Variants in SLC8A3 observed in about 807,000 individuals in gnomAD.
The protein encoded by SLC8A3 is solute carrier family 8 member A3.
A neutral mutation model predicts 65.4 loss-of-function variants in SLC8A3; 37 were observed. The ratio of observed to expected loss-of-function variants is 0.57; its 90% CI spans 0.44 to 0.74. SLC8A3 has a LOEUF of 0.74. Ranked by LOEUF, SLC8A3 falls within the 30% of genes least tolerant of loss-of-function variation. The pLI, the probability that SLC8A3 is intolerant of heterozygous loss-of-function variation, is 0.00. For synonymous variants in SLC8A3, 461 were observed against 444.5 expected (o/e 1.04, Z -0.47); for missense variants, 1,112 against 1,172.1 (o/e 0.95, Z 0.75).
chr14:70,075,685 T>C (rs1890443759), intron 2 of SLC8A3, among the ~76,000 whole-genome samples: 1 of 152,212 alleles, frequency 6.6e-6, no homozygotes, highest in Non-Finnish European at 1.5e-5. Context: ...TCCATTTCTC[T>C]TAGCCTGTTA....
chr14:70,128,799 C>T (rs754143593), intron 2 of SLC8A3, among the ~76,000 whole-genome samples: 9 of 152,108 alleles, frequency 5.9e-5, no homozygotes, highest in Non-Finnish European at 1.2e-4. Context: ...TAGCTCTTAC[C>T]TTCTGCCTTC....
intron 5 of SLC8A3, 146 bp downstream of exon 5, chr14:70,050,862 T>C: frequency 1.7e-6 from 1 of 579,094 alleles, no homozygotes; most frequent in Non-Finnish European, 3.1e-6. Flanking sequence ...CCATGATTCT[T>C]TTCCAAGCAG....
chr14:70,074,209 AT>A (rs1403993078), intron 2 of SLC8A3, among the ~76,000 whole-genome samples: 1 of 152,192 alleles, frequency 6.6e-6, no homozygotes, highest in Non-Finnish European at 1.5e-5. Flanking sequence ...TACTGTCCCC[AT>A]TTGGGGTGTG....
Position 70,045,962 on chromosome 14 carries a change from G to A in SLC8A3, c.2751C>T (p.Tyr917=). Residue 917 remains tyrosine, a synonymous_variant, in exon 7 of 7, where the codon TAC becomes TAT. Coordinates refer to ENST00000356921, the MANE Select transcript of SLC8A3 (RefSeq NM_182932.3). ...GTTGTGTGGCTTAGAACCCCTTGAT[G>A]TAGCAATAGGCCTCTAGTGTGGCAA... ...ILFATLEAYC[Y]IKGF is the part of the protein sequence containing the mutation. 6.3e-7 allele frequency: 1 copy of A among 1,595,158 alleles called. No homozygotes were observed. The highest frequency in any genetic ancestry group is 8.6e-7 in the Non-Finnish European group (1 of 1,167,040).
intron 2 of SLC8A3, among the ~76,000 whole-genome samples, chr14:70,133,070 C>T (rs940701533): frequency 7.5e-5 from 11 of 147,270 alleles, no homozygotes; most frequent in Non-Finnish European, 1.6e-4. Context: ...CAGCTGCAGC[C>T]CCTGAGACCA....
intron 3 of SLC8A3, chr14:70,055,943 A>G (rs1004898905): frequency 1.4e-6 from 1 of 739,420 alleles, no homozygotes; most frequent in African/African-American, 1.8e-5. Context: ...AGTAGGTGAG[A>G]GCTCAGCAGC....
chr14:70,046,078 GC>G lies in SLC8A3; in HGVS notation c.2634del (p.Pro879ArgfsTer22). The G allele has an allele frequency of 6.2e-7, 1 of 1,614,130 alleles. No individual in the cohort carries two copies. Among genetic ancestry groups the G allele is most frequent in the Non-Finnish European group, 8.5e-7 (1 of 1,180,008 alleles). Reference sequence around the variant, plus strand: ...CCACCAAGCTCCCCTCCCAGGTGCGGCCGCCTTCGGTACAAGAGCACGCTGA... The same window carrying G: ...CCACCAAGCTCCCCTCCCAGGTGCGGCGCCTTCGGTACAAGAGCACGCTGA... ...VCISVLLYRR[R>X]PHLGGELGGP... On this transcript the variant is annotated frameshift_variant, in exon 7 of 7. Transcript: ENST00000356921. LOFTEE classifies it high-confidence loss of function. The surrounding 1 kb of genome is among the most constrained non-coding windows in gnomAD (Gnocchi z 4.2).
intron 2 of SLC8A3, among the ~76,000 whole-genome samples, chr14:70,090,757 G>T (rs533441309): frequency 6.6e-6 from 1 of 152,104 alleles, no homozygotes; most frequent in Non-Finnish European, 1.5e-5. Context: ...ATGTGAAACC[G>T]CATCCCACTT....
chr14:70,100,770 T>C (rs1892504295), intron 2 of SLC8A3, among the ~76,000 whole-genome samples: 2 of 152,206 alleles, frequency 1.3e-5, no homozygotes, highest in African/African-American at 4.8e-5. Context: ...CCCAAGAGAA[T>C]GGAAGATGAA....
intron 2 of SLC8A3, among the ~76,000 whole-genome samples, chr14:70,142,792 G>A (rs1252138972): frequency 2.6e-5 from 4 of 152,132 alleles, no homozygotes; most frequent in Non-Finnish European, 5.9e-5. Context: ...ATCAAGTCTA[G>A]AGGGCAAGGT....
chr14:70,171,695 G>A (rs1181885788), intron 1 of SLC8A3, among the ~76,000 whole-genome samples: 1 of 152,190 alleles, frequency 6.6e-6, no homozygotes, highest in Non-Finnish European at 1.5e-5. Context: ...AGCTACTTGG[G>A]AGGCTGAGGC....
intron 2 of SLC8A3, among the ~76,000 whole-genome samples, chr14:70,108,561 T>C (rs1439379897): frequency 6.6e-6 from 1 of 152,138 alleles, no homozygotes; most frequent in Non-Finnish European, 1.5e-5. Flanking sequence ...TCACTGGTTT[T>C]CTCCCAGAGA....
At chr14:70,069,311 C>T (rs1188214911) in intron 2 of SLC8A3, among the ~76,000 whole-genome samples, 8 of 152,158 alleles carry the variant, frequency 5.3e-5, no homozygotes. Context: ...ACCCTTCGGC[C>T]CTCCCATGCC....
intron 2 of SLC8A3, among the ~76,000 whole-genome samples, chr14:70,066,103 G>C (rs1217758039): frequency 1.3e-5 from 2 of 152,204 alleles, no homozygotes; most frequent in African/African-American, 4.8e-5. Flanking sequence ...GAGTAACTTA[G>C]GTTAGCCAGC....
intron 2 of SLC8A3, among the ~76,000 whole-genome samples, chr14:70,147,069 T>C (rs542017480): frequency 1.4e-3 from 208 of 152,358 alleles, no homozygotes; most frequent in South Asian, 2.5e-3. Flanking sequence ...GAGTTTGTGC[T>C]AACTTTATGG....
chr14:70,124,817 G>C (rs1459849699), intron 2 of SLC8A3, among the ~76,000 whole-genome samples: 1 of 152,166 alleles, frequency 6.6e-6, no homozygotes, highest in South Asian at 2.1e-4. Context: ...CTAGAGCCGT[G>C]GGTTGAAAAG....
Position 70,168,055 on chromosome 14 carries a change from G to A in SLC8A3, c.368C>T (p.Thr123Ile). The A allele has an allele frequency of 6.2e-7, 1 of 1,614,154 alleles. No individual in the cohort carries two copies. Among genetic ancestry groups the A allele is most frequent in the Non-Finnish European group, 8.5e-7 (1 of 1,180,022 alleles). ...TIKKPNGETS[T>I]TTIRVWNETV... ...TTCATTCCAGACCCGAATAGTGGTTGTGCTGGTTTCTCCATTGGGTTTCTT... is the reference window on the plus strand; with the variant it reads ...TTCATTCCAGACCCGAATAGTGGTTATGCTGGTTTCTCCATTGGGTTTCTT... The change falls in exon 2 of 7, where the codon ACA becomes ATA. Residue 123 changes from threonine (T) to isoleucine (I), a missense_variant. Coordinates refer to ENST00000356921, the MANE Select transcript of SLC8A3 (RefSeq NM_182932.3).
chr14:70,084,851 G>A (rs890714951), intron 2 of SLC8A3, among the ~76,000 whole-genome samples: 3 of 152,134 alleles, frequency 2.0e-5, no homozygotes, highest in Admixed American at 6.6e-5. Context: ...AATGGTACTT[G>A]TTTGACATTG....
At chr14:70,161,288 CAAAAAAAAAAAAAAAAA>C (rs5809474) in intron 2 of SLC8A3, among the ~76,000 whole-genome samples, 2 of 33,280 alleles carry the variant, frequency 6.0e-5, no homozygotes, top group African/African-American at 1.2e-4. Flanking sequence ...GACTCCATCT[CAAAAAAAAAAAAAAAAA>C]AAAAAAAAAA....
Sources: allele counts gnomAD v4.1 joint callset (sites outside exome capture counted in the v4.1 genomes callset), GRCh38; gene constraint gnomAD v4.1.1; non-coding constraint Gnocchi (gnomAD v3.1); transcripts MANE v1.5; gene names NCBI Gene and HGNC (gene_info 2026-07-23, HGNC 2026-07-21).